TBC1D9: variants seen among roughly 807,000 people sequenced by gnomAD.
The protein encoded by TBC1D9 is TBC1 domain family member 9A.
Under a neutral mutation model 132.0 loss-of-function variants are expected in TBC1D9, and 63 were observed. The ratio of observed to expected loss-of-function variants is 0.48; its 90% CI spans 0.39 to 0.59. The LOEUF (loss-of-function observed/expected upper bound fraction) is 0.59, where lower values mean the gene tolerates loss of function less well. Ranked by LOEUF, TBC1D9 falls within the 20% of genes least tolerant of loss-of-function variation. The pLI, the probability that TBC1D9 is intolerant of heterozygous loss-of-function variation, is 0.00. For missense variants in TBC1D9, 1,261 were observed against 1,592.7 expected, an observed-to-expected ratio of 0.79 and a Z score of 3.54; for synonymous variants, 610 against 609.9, an observed-to-expected ratio of 1.00 and a Z score of 0.00.
rs565558411 is a variant in TBC1D9, at chr4:140,634,322, GC to G, written c.2506-135del. On this transcript the variant is annotated intron_variant, in intron 15 of 20. Transcript: ENST00000442267. ...CCTGGGGCAGGGCTGTGGCCTCAGG[GC>G]CCCCTTGGTCTCTTAGTTCTACATA... 1.9e-4 allele frequency: 238 copies of G among 1,270,128 alleles called. No homozygotes were observed. In the African/African-American group the frequency reaches 3.3e-3, roughly 18 times the overall value. The allele number at this position is 1,270,128 out of a possible 1,614,324, so 78.7% of individuals were successfully genotyped here. A position where few individuals can be genotyped will look rare whatever the true frequency, so the allele number is the denominator to read the frequency against.
intron 7 of TBC1D9, among the ~76,000 whole-genome samples, chr4:140,670,303 T>C (rs1303623092): frequency 1.3e-5 from 2 of 152,198 alleles, no homozygotes; most frequent in African/African-American, 2.4e-5. Flanking sequence ...AGGCCTCCAG[T>C]GTTCCTGAAT....
At chr4:140,653,440 T>C (rs1211409950) in intron 13 of TBC1D9, among the ~76,000 whole-genome samples, 1 of 152,156 alleles carries the variant, frequency 6.6e-6, no homozygotes, top group Non-Finnish European at 1.5e-5. Flanking sequence ...ATCTCAACCC[T>C]CACCGGACAT....
intron 1 of TBC1D9, among the ~76,000 whole-genome samples, chr4:140,752,617 T>C (rs1738943674): frequency 6.6e-6 from 1 of 152,194 alleles, no homozygotes; most frequent in Non-Finnish European, 1.5e-5. Context: ...CACTGCACTT[T>C]GCATCTGATT....
intron 2 of TBC1D9, among the ~76,000 whole-genome samples, chr4:140,695,431 C>G (rs1026303838): frequency 6.6e-6 from 1 of 152,188 alleles, no homozygotes; most frequent in African/African-American, 2.4e-5. Flanking sequence ...AGGCACCGTT[C>G]GGCACTGTTG....
In TBC1D9 at chr4:140,755,856, C is replaced by T. The variant is rs1305369761; in HGVS notation, c.130+60G>A. ...CGTCTCCCGAGCCTGCAGCCCAGGC[C>T]GCGGGCGGCGCCGCAGCGCTCCCGG... On this transcript the variant is annotated intron_variant, in intron 1 of 20. Coordinates refer to ENST00000442267, the MANE Select transcript of TBC1D9 (RefSeq NM_015130.3). 13 of 1,474,208 alleles carry T rather than the reference C, an allele frequency of 8.8e-6. No individual in the cohort carries two copies. In the East Asian group the frequency reaches 3.1e-4, roughly 36 times the overall value. 91.3% of individuals were successfully genotyped at this position (1,474,208 alleles called of 1,614,324 possible). A position where few individuals can be genotyped will look rare whatever the true frequency, so the allele number is the denominator to read the frequency against.
chr4:140,624,080 G>A lies in TBC1D9; in HGVS notation c.3078+36C>T, dbSNP rs372807371. 1.2e-4 allele frequency: 183 copies of A among 1,514,170 alleles called. No individual in the cohort carries two copies. In the African/African-American group the frequency reaches 2.3e-3, roughly 19 times the overall value. The allele number at this position is 1,514,170 out of a possible 1,614,324, so 93.8% of individuals were successfully genotyped here. On this transcript the variant is annotated intron_variant, in intron 20 of 20. Transcript: ENST00000442267. ...TCAGTCATAGAAAAAAGAGTGTCCAGGTTTGAAGCGAATGATTTGAACTTT... is the reference window on the plus strand; with the variant it reads ...TCAGTCATAGAAAAAAGAGTGTCCAAGTTTGAAGCGAATGATTTGAACTTT...
At position 140,754,508 on chromosome 4, in the gene TBC1D9, A is replaced by G. The variant is rs752087927; in HGVS notation, c.130+1408T>C. On this transcript the variant is annotated intron_variant, in intron 1 of 20. Coordinates refer to ENST00000442267, the MANE Select transcript of TBC1D9 (RefSeq NM_015130.3). ...TGCATGCCTGTAGTCCCAGCTACTC[A>G]GGAGGCTGAGGCAGGAGAATCACTT... is the stretch of plus-strand genomic sequence containing the variant. Among the ~76,000 whole-genome samples, 110 of 149,658 alleles carry G rather than the reference A, an allele frequency of 7.4e-4. 1 individual carries two copies. Among genetic ancestry groups the G allele is most frequent in the Non-Finnish European group, 1.0e-3 (68 of 67,538 alleles).
intron 13 of TBC1D9, chr4:140,642,492 A>G (rs1382800638): frequency 8.2e-6 from 9 of 1,093,670 alleles, no homozygotes; most frequent in East Asian, 4.9e-5. Context: ...ATTTCCCCCC[A>G]GCACTGTCTG....
At chr4:140,636,298 T>C (rs1736878657) in intron 15 of TBC1D9, among the ~76,000 whole-genome samples, 1 of 152,156 alleles carries the variant, frequency 6.6e-6, no homozygotes, top group Non-Finnish European at 1.5e-5. Context: ...CCTTTTCTCC[T>C]CAAGTTCTAT....
intron 9 of TBC1D9, among the ~76,000 whole-genome samples, chr4:140,667,428 T>C (rs1737465065): frequency 6.6e-6 from 1 of 152,148 alleles, no homozygotes; most frequent in Non-Finnish European, 1.5e-5. Flanking sequence ...AGGATGAAAA[T>C]GGAAATCTGT....
At chr4:140,746,765 A>T (rs1485467898) in intron 1 of TBC1D9, among the ~76,000 whole-genome samples, 2 of 152,180 alleles carry the variant, frequency 1.3e-5, no homozygotes, top group Non-Finnish European at 2.9e-5. Flanking sequence ...CGCCCCCATG[A>T]TTCAATTATT....
At chr4:140,642,255 T>C in intron 13 of TBC1D9, 1 of 712,792 alleles carries the variant, frequency 1.4e-6, no homozygotes, top group Non-Finnish European at 2.5e-6. Context: ...GTCTGTATTG[T>C]AAGAGTAGCT....
intron 2 of TBC1D9, among the ~76,000 whole-genome samples, chr4:140,696,717 G>A (rs1281942099): frequency 1.3e-5 from 2 of 152,036 alleles, no homozygotes; most frequent in African/African-American, 2.4e-5. Flanking sequence ...GACATTGGTC[G>A]CAGATGCTCC....
intron 4 of TBC1D9, 114 bp from the exon 5 acceptor site, chr4:140,679,317 A>C: frequency 8.8e-7 from 1 of 1,139,750 alleles, no homozygotes; most frequent in Non-Finnish European, 1.2e-6. Context: ...AGTTTATAAT[A>C]CCATATTTGT....
At chr4:140,740,471 CAG>C (rs1388833297) in intron 1 of TBC1D9, among the ~76,000 whole-genome samples, 1 of 152,196 alleles carries the variant, frequency 6.6e-6, no homozygotes, top group African/African-American at 2.4e-5. Flanking sequence ...TCCACCTACC[CAG>C]AGAGGGTCTA....
intron 16 of TBC1D9, among the ~76,000 whole-genome samples, chr4:140,630,011 T>C (rs1445935440): frequency 6.6e-6 from 1 of 152,222 alleles, no homozygotes; most frequent in Non-Finnish European, 1.5e-5. Context: ...TTAAGTAATT[T>C]GTTCAAGGTC....
intron 6 of TBC1D9, 64 bp downstream of exon 6, chr4:140,676,830 C>A (rs1031050246): frequency 3.2e-6 from 5 of 1,571,216 alleles, no homozygotes; most frequent in Non-Finnish European, 2.6e-6. Flanking sequence ...AAAAATTATT[C>A]CTGGTTCACC....
At chr4:140,665,288 A>G (rs1482879902) in intron 9 of TBC1D9, among the ~76,000 whole-genome samples, 3 of 152,174 alleles carry the variant, frequency 2.0e-5, no homozygotes, top group Admixed American at 2.0e-4. Context: ...GAAGGATACC[A>G]TCAAAGACAG....
chr4:140,672,740 G>T (rs1258681131), intron 6 of TBC1D9, among the ~76,000 whole-genome samples: 1 of 152,140 alleles, frequency 6.6e-6, no homozygotes, highest in Admixed American at 6.5e-5. Flanking sequence ...CAGGAAAGGA[G>T]AACAATTACA....
Sources: gnomAD v4.1 joint callset for allele counts (sites outside exome capture counted in the v4.1 genomes callset) on GRCh38, gnomAD v4.1.1 for gene constraint, MANE v1.5 for transcripts, NCBI Gene and HGNC (gene_info 2026-07-23, HGNC 2026-07-21) for gene names.